PDE1C: variants seen among roughly 807,000 people sequenced by gnomAD.
PDE1C encodes dual specificity calcium/calmodulin-dependent 3',5'-cyclic nucleotide phosphodiesterase 1C.
A neutral mutation model predicts 93.1 loss-of-function variants in PDE1C; 62 were observed. The observed-to-expected ratio is 0.67, with a 90% CI of 0.54 to 0.82. The LOEUF is 0.82. PDE1C is among the 40% of genes least tolerant of loss of function. The pLI, the probability that PDE1C is intolerant of heterozygous loss-of-function variation, is 0.00. For missense variants in PDE1C, 742 were observed against 884.6 expected, an observed-to-expected ratio of 0.84 and a Z score of 2.04; for synonymous variants, 325 against 310.1, an observed-to-expected ratio of 1.05 and a Z score of -0.50.
At chr7:32,112,694 A>C (rs1038895311) in intron 3 of PDE1C, among the ~76,000 whole-genome samples, 5 of 150,978 alleles carry the variant, frequency 3.3e-5, no homozygotes, top group African/African-American at 1.2e-4. Context: ...GCCTGAAGCA[A>C]TTCTCCCATC....
chr7:31,998,735 A>G (rs968027236), intron 2 of PDE1C, among the ~76,000 whole-genome samples: 4 of 152,210 alleles, frequency 2.6e-5, no homozygotes, highest in African/African-American at 4.8e-5. Context: ...TCTAATACTA[A>G]AAGTTCTTTA....
At chr7:32,324,129 C>T (rs1045858640) in intron 1 of PDE1C, among the ~76,000 whole-genome samples, 6 of 152,178 alleles carry the variant, frequency 3.9e-5, no homozygotes, top group African/African-American at 1.2e-4. Context: ...ATTCAAATTT[C>T]AATGTCCATA....
At chr7:32,100,707 T>G (rs776965292) in intron 3 of PDE1C, among the ~76,000 whole-genome samples, 7 of 152,180 alleles carry the variant, frequency 4.6e-5, no homozygotes, top group Non-Finnish European at 1.0e-4. Context: ...CACGTGTACC[T>G]ATACACACAC....
intron 1 of PDE1C, among the ~76,000 whole-genome samples, chr7:32,245,927 C>A (rs1200884058): frequency 6.6e-6 from 1 of 151,740 alleles, no homozygotes; most frequent in Non-Finnish European, 1.5e-5. Flanking sequence ...AATAGTAACA[C>A]CTTGGTTAGG....
chr7:32,007,465 C>T (rs1210978003), intron 2 of PDE1C, among the ~76,000 whole-genome samples: 2 of 152,192 alleles, frequency 1.3e-5, no homozygotes, highest in African/African-American at 4.8e-5. Context: ...AAGGAGGCCA[C>T]GAGAAGGAAT....
At chr7:31,638,034 C>G in the PDE1C span, among the ~76,000 whole-genome samples, 6,799 of 152,128 alleles carry the variant, frequency 0.045, 485 homozygotes, top group African/African-American at 0.15. Context: ...GATGGGCTGC[C>G]CTCTCAACAG....
rs968728834 is a variant in PDE1C at position 31,752,546 on chromosome 7, G to C, written c.*838C>G. On this transcript the variant is annotated 3_prime_UTR_variant, in exon 18 of 18. Transcript: ENST00000396191. Reference sequence around the variant, plus strand: ...AGAATTTTACACCCTCTTGGCCTAGGACCACAAAATCAAACTGACATCTTT... The same window carrying C: ...AGAATTTTACACCCTCTTGGCCTAGCACCACAAAATCAAACTGACATCTTT... 6.6e-6 allele frequency: 1 copy of C among 152,082 alleles called. No individual in the cohort carries two copies. 9.4% of individuals were successfully genotyped at this position (152,082 alleles called of 1,614,324 possible).
Position 32,090,804 on chromosome 7 carries a change from C to A in PDE1C, c.308+78981G>T, listed in dbSNP as rs78202894. ...CTCTTGGACCCTCCTGGAGACCATC[C>A]AAAAGCTGCCTTCCCCAAAAATCCT... is the stretch of plus-strand genomic sequence containing the variant. On this transcript the variant is annotated intron_variant, in intron 3 of 18. Transcript: ENST00000396193. 3.4e-3 allele frequency among the ~76,000 whole-genome samples: 514 copies of A among 152,254 alleles called. 3 individuals carry two copies. Among genetic ancestry groups the A allele is most frequent in the African/African-American group, 0.012 (488 of 41,558 alleles).
chr7:32,280,457 G>C (rs2159237), intron 1 of PDE1C, among the ~76,000 whole-genome samples: 1 of 151,902 alleles, frequency 6.6e-6, no homozygotes, highest in East Asian at 1.9e-4. Flanking sequence ...TTGTATTAAT[G>C]TAATTACTAA....
At chr7:32,248,777 G>A (rs1809149152) in intron 1 of PDE1C, among the ~76,000 whole-genome samples, 1 of 152,202 alleles carries the variant, frequency 6.6e-6, no homozygotes, top group African/African-American at 2.4e-5. Flanking sequence ...CACCGATGAG[G>A]AAAAATGTCA....
At chr7:32,111,959 G>A (rs1167458580) in intron 3 of PDE1C, among the ~76,000 whole-genome samples, 2 of 152,128 alleles carry the variant, frequency 1.3e-5, no homozygotes, top group African/African-American at 4.8e-5. Context: ...CACACAAAGT[G>A]AGAGTTACTT....
At chr7:31,674,758 G>C in the PDE1C span, among the ~76,000 whole-genome samples, 1 of 152,160 alleles carries the variant, frequency 6.6e-6, no homozygotes, top group Admixed American at 6.5e-5. Context: ...TTCTAACAGT[G>C]TAATGCCAAA....
the PDE1C span, among the ~76,000 whole-genome samples, chr7:31,738,340 G>A: frequency 3.9e-5 from 6 of 152,158 alleles, no homozygotes; most frequent in Admixed American, 6.5e-5. Context: ...CAATCATGGC[G>A]GTAGGTGAAT....
chr7:32,183,507 A>T (rs1196799171), intron 2 of PDE1C, among the ~76,000 whole-genome samples: 1 of 152,234 alleles, frequency 6.6e-6, no homozygotes, highest in Non-Finnish European at 1.5e-5. Context: ...CATATCTACA[A>T]CCATCTGATC....
chr7:31,733,722 C>T, the PDE1C span, among the ~76,000 whole-genome samples: 1 of 152,190 alleles, frequency 6.6e-6, no homozygotes, highest in Non-Finnish European at 1.5e-5. Flanking sequence ...CAGCCGGGCA[C>T]AGTGGCTTAT....
In PDE1C at chr7:32,322,620, CTT is replaced by C. The variant is rs60692243; in HGVS notation, c.310+105200_310+105201del. 5.3e-3 allele frequency among the ~76,000 whole-genome samples: 712 copies of C among 135,568 alleles called. 3 individuals are homozygous for C. Among genetic ancestry groups the C allele is most frequent in the Middle Eastern group, 0.011 (3 of 272 alleles). The allele number at this position is 135,568 out of a possible 152,430, so 88.9% of individuals were successfully genotyped here. Reference sequence around the variant, plus strand: ...TCCCATCTCTATTTTTTTCTTTTTTCTTTTTTTTTTTTTTGAGATGGAGTCTT... The same window carrying C: ...TCCCATCTCTATTTTTTTCTTTTTTCTTTTTTTTTTTTGAGATGGAGTCTT... On this transcript the variant is annotated intron_variant, in intron 1 of 1. Coordinates refer to the PDE1C transcript ENST00000672256.
exon 1 of PDE1C, chr7:32,298,724 G>A (rs1450908591): frequency 5.0e-6 from 8 of 1,602,346 alleles, no homozygotes; most frequent in Non-Finnish European, 6.0e-6. Flanking sequence ...TCCTGTTGCC[G>A]GCGTCCGTCA....
chr7:32,209,510 TGGCATTCTTGTCTCCA>T lies in PDE1C; in HGVS notation c.99_114del (p.Gly34AspfsTer46), dbSNP rs1805851788. 3 of 1,573,934 alleles carry T rather than the reference TGGCATTCTTGTCTCCA, an allele frequency of 1.9e-6. No individual in the cohort carries two copies. Among genetic ancestry groups the T allele is most frequent in the Non-Finnish European group, 2.6e-6 (3 of 1,160,454 alleles). On this transcript the variant is annotated frameshift_variant, in exon 2 of 19. Transcript: ENST00000396193. LOFTEE classifies it high-confidence loss of function. ...TCACGAGAGAAGCGGGCCAGTGGTC[TGGCATTCTTGTCTCCA>T]GCTTCATTTGCAACTAGAAAAAAAA... is the stretch of plus-strand genomic sequence containing the variant.
chr7:31,812,384 T>C (rs1787667494), intron 15 of PDE1C, among the ~76,000 whole-genome samples: 1 of 152,140 alleles, frequency 6.6e-6, no homozygotes, highest in Non-Finnish European at 1.5e-5. Context: ...GTAGAATTCA[T>C]ATCCTTCTTT....
Sources: gnomAD v4.1 joint callset for allele counts (sites outside exome capture counted in the v4.1 genomes callset) on GRCh38, gnomAD v4.1.1 for gene constraint, MANE v1.5 for transcripts, NCBI Gene and HGNC (gene_info 2026-07-23, HGNC 2026-07-21) for gene names.